The following PCDHGB5 variants were observed in gnomAD, a reference collection of about 807,000 sequenced individuals.
PCDHGB5 encodes the protein protocadherin gamma subfamily B, 5.
In PCDHGB5, 48 loss-of-function variants were observed where a neutral mutation model predicts 62.9. The observed-to-expected ratio is 0.76, with a 90% confidence interval of 0.61 to 0.97. The LOEUF is 0.97. PCDHGB5 is among the 50% of genes least tolerant of loss of function. PCDHGB5 has a pLI of 0.00. For synonymous variants in PCDHGB5, 474 were observed against 511.2 expected, an observed-to-expected ratio of 0.93 and a Z score of 0.98; for missense variants, 1,118 against 1,198.6, an observed-to-expected ratio of 0.93 and a Z score of 0.99.
rs530356030 is a variant in PCDHGB5 at position 141,426,463 on chromosome 5, GATTT to G, written c.2397+25943_2397+25946del. 309 of 318,428 alleles carry G rather than the reference GATTT, an allele frequency of 9.7e-4. 2 individuals are homozygous for G. Among genetic ancestry groups the G allele is most frequent in the Non-Finnish European group, 1.6e-3 (252 of 160,518 alleles). 19.7% of individuals were successfully genotyped at this position (318,428 alleles called of 1,614,324 possible). A position where few individuals can be genotyped will look rare whatever the true frequency, so the allele number is the denominator to read the frequency against. ...GGAGGACATGCGGCTGCATGTTCAGGATTTATTGACCTGAAACCTTAGAGTTAGT... is the reference window on the plus strand; with the variant it reads ...GGAGGACATGCGGCTGCATGTTCAGGATTGACCTGAAACCTTAGAGTTAGT... On this transcript the variant is annotated intron_variant, in intron 1 of 3. Transcript: ENST00000617380.
chr5:141,477,378 C>A lies in PCDHGB5; in HGVS notation c.2398-17429C>A. On this transcript the variant is annotated intron_variant, in intron 1 of 3. Coordinates refer to ENST00000617380, the MANE Select transcript of PCDHGB5 (RefSeq NM_018925.3). This position sits in a 1 kb window ranked among gnomAD's most constrained non-coding sequence, Gnocchi z 4.9. ...GCAGACCTGGATCGGGAGACTGTGC[C>A]AGAATACAACCTCAGCATCACCGCC... 2 of 1,614,136 alleles carry A rather than the reference C, an allele frequency of 1.2e-6. No homozygotes were observed. Among genetic ancestry groups the A allele is most frequent in the Non-Finnish European group, 1.7e-6 (2 of 1,180,034 alleles).
intron 1 of PCDHGB5, chr5:141,408,127 G>A (rs1017651550): frequency 2.0e-6 from 3 of 1,480,258 alleles, no homozygotes; most frequent in African/African-American, 2.8e-5. Context: ...GTCCTGGGCC[G>A]AATGCTCTTT....
chr5:141,423,082 G>A (rs1390567548), intron 1 of PCDHGB5: 3 of 1,614,078 alleles, frequency 1.9e-6, no homozygotes, highest in Admixed American at 1.7e-5. Flanking sequence ...GGGACTCTTC[G>A]CGGTGGGGGA....
chr5:141,404,648 G>C (rs1178706213), intron 1 of PCDHGB5: 1 of 1,614,148 alleles, frequency 6.2e-7, no homozygotes, highest in African/African-American at 1.3e-5. Flanking sequence ...CCTGTACCCT[G>C]CCCTCCCCAC....
chr5:141,413,842 G>C, intron 1 of PCDHGB5: 1 of 1,613,294 alleles, frequency 6.2e-7, no homozygotes, highest in Non-Finnish European at 8.5e-7. Flanking sequence ...CGACGGGGGT[G>C]ACCCTCTCCG....
chr5:141,405,261 T>TC, intron 1 of PCDHGB5: 1 of 1,613,852 alleles, frequency 6.2e-7, no homozygotes. Context: ...CACCTGATCT[T>TC]CCCCCAGCCC....
At chr5:141,484,639 C>A (rs1366750263) in intron 1 of PCDHGB5, among the ~76,000 whole-genome samples, 1 of 151,938 alleles carries the variant, frequency 6.6e-6, no homozygotes, top group Non-Finnish European at 1.5e-5. Context: ...AGTGACCACT[C>A]TCCAATGGCT....
chr5:141,490,903 C>G lies in PCDHGB5; in HGVS notation c.2398-3904C>G. 6.2e-7 allele frequency: 1 copy of G among 1,613,764 alleles called. No homozygotes were observed. The highest frequency in any genetic ancestry group is 1.7e-5 in the Admixed American group (1 of 60,022). On this transcript the variant is annotated intron_variant, in intron 1 of 3. Coordinates refer to ENST00000617380, the MANE Select transcript of PCDHGB5 (RefSeq NM_018925.3). This position sits in a 1 kb window ranked among gnomAD's most constrained non-coding sequence, Gnocchi z 5.4. ...CAACACATCTCTGCATGTGTTTGTC[C>G]TAGACGAGAATGATAATGCCCCAGC... is the stretch of plus-strand genomic sequence containing the variant.
intron 1 of PCDHGB5, chr5:141,414,124 G>T (rs1214312992): frequency 6.3e-7 from 1 of 1,592,872 alleles, no homozygotes; most frequent in East Asian, 2.3e-5. Flanking sequence ...TGAAGAAACC[G>T]GTTTCTATGA....
At chr5:141,509,872 G>A (rs968745661) in intron 3 of PCDHGB5, among the ~76,000 whole-genome samples, 1 of 152,166 alleles carries the variant, frequency 6.6e-6, no homozygotes, top group Non-Finnish European at 1.5e-5. Context: ...CCAAGCTGCT[G>A]GTGGTGATGG....
intron 3 of PCDHGB5, among the ~76,000 whole-genome samples, chr5:141,509,320 C>A (rs1261653347): frequency 6.6e-6 from 1 of 152,194 alleles, no homozygotes; most frequent in Non-Finnish European, 1.5e-5. Flanking sequence ...GGGAGAGAAG[C>A]TCTACTGCCA....
At chr5:141,471,932 A>T (rs1015576042) in intron 1 of PCDHGB5, among the ~76,000 whole-genome samples, 1 of 152,158 alleles carries the variant, frequency 6.6e-6, no homozygotes, top group Non-Finnish European at 1.5e-5. Context: ...GGGGGTGATG[A>T]GAGTTTTCTA....
intron 1 of PCDHGB5, chr5:141,414,274 G>C: frequency 1.9e-6 from 3 of 1,613,368 alleles, no homozygotes; most frequent in Non-Finnish European, 2.5e-6. Flanking sequence ...TTCACCTCTG[G>C]GAACAGTCGT....
chr5:141,457,422 TC>T (rs1038085994), intron 1 of PCDHGB5, among the ~76,000 whole-genome samples: 1 of 151,626 alleles, frequency 6.6e-6, no homozygotes, highest in African/African-American at 2.4e-5. Context: ...CATCCCTTTT[TC>T]CCCCCCACCA....
intron 1 of PCDHGB5, among the ~76,000 whole-genome samples, chr5:141,425,869 C>T (rs1376765137): frequency 2.0e-5 from 3 of 152,198 alleles, no homozygotes. Context: ...TATAGATTCC[C>T]ATCTCTAAGG....
At chr5:141,443,499 A>T (rs533910381) in intron 1 of PCDHGB5, among the ~76,000 whole-genome samples, 1 of 152,268 alleles carries the variant, frequency 6.6e-6, no homozygotes, top group African/African-American at 2.4e-5. Context: ...ACAAACAAAC[A>T]AATAAAGAGC....
At chr5:141,503,332 C>T (rs536647792) in intron 2 of PCDHGB5, among the ~76,000 whole-genome samples, 5 of 152,074 alleles carry the variant, frequency 3.3e-5, no homozygotes, top group Admixed American at 6.5e-5. Context: ...CGCGGTGGCT[C>T]ACGCCTGTAA....
intron 1 of PCDHGB5, among the ~76,000 whole-genome samples, chr5:141,455,160 G>GTT (rs59530096): frequency 1.3e-4 from 20 of 149,232 alleles, no homozygotes; most frequent in South Asian, 1.1e-3. Flanking sequence ...TAGTTTGTTG[G>GTT]TTTTTTTTTT....
In PCDHGB5 at chr5:141,486,574, C is replaced by T. The variant is rs1435813800; in HGVS notation, c.2398-8233C>T. On this transcript the variant is annotated intron_variant, in intron 1 of 3. Transcript: ENST00000617380. This position sits in a 1 kb window ranked among gnomAD's most constrained non-coding sequence, Gnocchi z 5.0. ...CACATGAGGTGTTTGTTCCTGAGAACAATCGCCCAGGGGACCTGCTTTGCT... is the reference window on the plus strand; with the variant it reads ...CACATGAGGTGTTTGTTCCTGAGAATAATCGCCCAGGGGACCTGCTTTGCT... The T allele has an allele frequency of 1.9e-6, 3 of 1,613,868 alleles. No homozygotes were observed. Among genetic ancestry groups the T allele is most frequent in the Non-Finnish European group, 2.5e-6 (3 of 1,180,002 alleles).
Sources: gnomAD v4.1 joint callset for allele counts (sites outside exome capture counted in the v4.1 genomes callset) on GRCh38, gnomAD v4.1.1 for gene constraint, Gnocchi (gnomAD v3.1) non-coding constraint, MANE v1.5 for transcripts, NCBI Gene and HGNC (gene_info 2026-07-23, HGNC 2026-07-21) for gene names.